Variants in SOX6 observed in about 807,000 individuals in gnomAD.
SOX6 encodes the protein transcription factor SOX-6.
Under a neutral mutation model 97.8 loss-of-function variants are expected in SOX6, and 11 were observed. The observed-to-expected ratio is 0.11, with a 90% confidence interval of 0.07 to 0.19. The LOEUF (loss-of-function observed/expected upper bound fraction) is 0.19, where lower values mean the gene tolerates loss of function less well. SOX6 is among the 10% of genes least tolerant of loss of function. The pLI is 1.00. For missense variants in SOX6, 810 were observed against 1,039.5 expected (o/e 0.78, Z 3.04); for synonymous variants, 360 against 371.4 (o/e 0.97, Z 0.35).
chr11:16,415,048 TGCAGAAG>T (rs1858898868), intron 1 of SOX6, among the ~76,000 whole-genome samples: 1 of 152,170 alleles, frequency 6.6e-6, no homozygotes, highest in Non-Finnish European at 1.5e-5. Flanking sequence ...GGGCATTATA[TGCAGAAG>T]GTACCCAAGA....
intron 9 of SOX6, among the ~76,000 whole-genome samples, chr11:16,092,635 C>A (rs1848716764): frequency 6.6e-6 from 1 of 151,834 alleles, no homozygotes; most frequent in Admixed American, 6.6e-5. Flanking sequence ...TATCTAACTG[C>A]TGTATTTGCT....
At chr11:16,040,906 T>C (rs561267528) in intron 12 of SOX6, among the ~76,000 whole-genome samples, 2 of 152,178 alleles carry the variant, frequency 1.3e-5, no homozygotes, top group South Asian at 2.1e-4. Flanking sequence ...AAAATATTCA[T>C]TGTCGTGACA....
chr11:16,552,227 A>T (rs570001222), intron 4 of SOX6, among the ~76,000 whole-genome samples: 4 of 152,206 alleles, frequency 2.6e-5, no homozygotes, highest in South Asian at 4.2e-4. Flanking sequence ...GTGTTCCTTT[A>T]AAAAAACTCT....
intron 1 of SOX6, among the ~76,000 whole-genome samples, chr11:16,428,990 C>A (rs944272123): frequency 1.3e-5 from 2 of 152,090 alleles, no homozygotes; most frequent in African/African-American, 4.8e-5. Context: ...TTTGTATCCT[C>A]TTTTATTTCA....
rs1327227292 is a variant in SOX6, at chr11:16,046,236, CTTTAT to C, written c.1623+273_1623+277del. ...TTATTCTAATAACATCATACATCTC[CTTTAT>C]TTTAAGATACATCTATTTCAGAATG... On this transcript the variant is annotated intron_variant, in intron 12 of 15. Transcript: ENST00000683767. 5.9e-5 allele frequency among the ~76,000 whole-genome samples: 9 copies of C among 152,226 alleles called. No homozygotes were observed. In the East Asian group the frequency reaches 1.5e-3, roughly 26 times the overall value.
chr11:16,279,331 T>C (rs1412986453), intron 3 of SOX6, among the ~76,000 whole-genome samples: 1 of 152,140 alleles, frequency 6.6e-6, no homozygotes, highest in East Asian at 1.9e-4. Context: ...GACCTCATTT[T>C]AACCTATACA....
intron 2 of SOX6, among the ~76,000 whole-genome samples, chr11:16,717,085 G>A (rs1848224796): frequency 6.6e-6 from 1 of 151,864 alleles, no homozygotes; most frequent in African/African-American, 2.4e-5. Flanking sequence ...TAAAATCTGT[G>A]GTCATACTAA....
intron 4 of SOX6, among the ~76,000 whole-genome samples, chr11:16,481,737 T>C (rs528738523): frequency 5.9e-5 from 9 of 152,280 alleles, no homozygotes; most frequent in African/African-American, 1.7e-4. Context: ...TGGAGATCAT[T>C]GAGTCCAGTG....
Position 16,046,554 on chromosome 11 carries a change from G to A in SOX6, c.1583C>T (p.Ser528Phe), listed in dbSNP as rs777832931. Residue 528 changes from serine to phenylalanine, a missense_variant, in exon 12 of 16, where the codon TCC becomes TTC. Coordinates refer to ENST00000683767, the MANE Select transcript of SOX6 (RefSeq NM_001367873.1). ...QPHGVDGKLS[S>F]INNMGLNSCR... ...GCTGTTCAGCCCCATATTATTTATGGAGGACAGTTTCCCGTCAACACCATG... is the reference window on the plus strand; with the variant it reads ...GCTGTTCAGCCCCATATTATTTATGAAGGACAGTTTCCCGTCAACACCATG... 4 of 1,613,684 alleles carry A rather than the reference G, an allele frequency of 2.5e-6. No homozygotes were observed. Among genetic ancestry groups the A allele is most frequent in the Admixed American group, 1.7e-5 (1 of 59,972 alleles).
intron 12 of SOX6, among the ~76,000 whole-genome samples, chr11:16,018,413 T>C (rs1315810855): frequency 2.0e-5 from 3 of 152,030 alleles, no homozygotes; most frequent in African/African-American, 7.2e-5. Context: ...AGAGAATGAA[T>C]TTGGGGTAAC....
At chr11:16,397,878 T>A (rs1030191340) in intron 1 of SOX6, among the ~76,000 whole-genome samples, 4 of 151,586 alleles carry the variant, frequency 2.6e-5, no homozygotes, top group Middle Eastern at 3.2e-3. Flanking sequence ...CCAGCCCATG[T>A]TTATTGCTTT....
chr11:16,234,696 TA>T, intron 3 of SOX6, 25 bp from the exon 4 acceptor site: 1 of 1,247,276 alleles, frequency 8.0e-7, no homozygotes, highest in Non-Finnish European at 1.1e-6. Flanking sequence ...AAGTAAGTAT[TA>T]AAAATATATA....
chr11:16,100,949 C>T (rs749300930), intron 7 of SOX6, among the ~76,000 whole-genome samples: 4 of 151,542 alleles, frequency 2.6e-5, no homozygotes, highest in African/African-American at 7.3e-5. Context: ...GAAGACGGGA[C>T]AAAAGATTCT....
intron 3 of SOX6, among the ~76,000 whole-genome samples, chr11:16,239,581 C>A (rs1313472555): frequency 6.6e-6 from 1 of 152,038 alleles, no homozygotes; most frequent in African/African-American, 2.4e-5. Flanking sequence ...AAACCTTTAA[C>A]CTCTTAAATG....
At chr11:16,639,554 G>A (rs374186024) in intron 3 of SOX6, among the ~76,000 whole-genome samples, 28 of 152,138 alleles carry the variant, frequency 1.8e-4, no homozygotes, top group African/African-American at 6.0e-4. Context: ...TGAGCATGGA[G>A]TGTTCTTCCA....
chr11:16,046,099 C>A (rs1293698222), intron 12 of SOX6, among the ~76,000 whole-genome samples: 1 of 152,052 alleles, frequency 6.6e-6, no homozygotes, highest in African/African-American at 2.4e-5. Context: ...ATTTTTTTGT[C>A]CTGGTTGACA....
At position 16,383,706 on chromosome 11, in the gene SOX6, T is replaced by TA. The variant is rs575807924; in HGVS notation, c.-4-42455dup. 4.2e-3 allele frequency among the ~76,000 whole-genome samples: 636 copies of TA among 152,098 alleles called. 5 individuals are homozygous for TA. The highest frequency in any genetic ancestry group is 0.015 in the African/African-American group (611 of 41,542). On this transcript the variant is annotated intron_variant, in intron 1 of 15. Coordinates refer to the SOX6 transcript ENST00000396356. ...TTTGAGAATTAAATGGCATCACATG[T>TA]AAAAGCACCTACATTAGTGCTGTAC...
chr11:16,283,095 A>ATATATATATATATATG (rs1233357923), intron 3 of SOX6, among the ~76,000 whole-genome samples: 1 of 136,016 alleles, frequency 7.4e-6, no homozygotes, highest in African/African-American at 2.7e-5. Flanking sequence ...ATTTGTATAT[A>ATATATATATATATATG]TATATATATA....
rs1166977936 is a variant in SOX6, at chr11:16,389,080, G to GT, written c.-4-47829dup. Among the ~76,000 whole-genome samples, 4 of 151,650 alleles carry GT rather than the reference G, an allele frequency of 2.6e-5. No individual in the cohort carries two copies. In the East Asian group the frequency reaches 5.8e-4, roughly 22 times the overall value. On this transcript the variant is annotated intron_variant, in intron 1 of 15. Transcript: ENST00000396356. ...CCAATTTTTTCTCTGTTGTTTTGTG[G>GT]TTTTTTGTTTTTGTTTTTAAGAGAC...
Sources: gnomAD v4.1 joint callset for allele counts (sites outside exome capture counted in the v4.1 genomes callset) on GRCh38, gnomAD v4.1.1 for gene constraint, MANE v1.5 for transcripts, NCBI Gene and HGNC (gene_info 2026-07-23, HGNC 2026-07-21) for gene names.